Variants in AKAP7 observed in about 807,000 individuals in gnomAD.
The protein encoded by AKAP7 is A kinase (PRKA) anchor protein 7.
Under a neutral mutation model 39.5 loss-of-function variants are expected in AKAP7, and 39 were observed. The ratio of observed to expected loss-of-function variants is 0.99; its 90% CI spans 0.76 to 1.29. The LOEUF (loss-of-function observed/expected upper bound fraction) is 1.29. Among genes scored for constraint, AKAP7 ranks in the 50% most tolerant of loss-of-function variants. AKAP7 has a pLI of 0.00. For missense variants in AKAP7, 414 were observed against 407.7 expected (o/e 1.02, Z -0.13); for synonymous variants, 140 against 139.1 (o/e 1.01, Z -0.05).
intron 5 of AKAP7, among the ~76,000 whole-genome samples, chr6:131,174,715 G>A (rs1039507002): frequency 2.0e-5 from 3 of 152,176 alleles, no homozygotes; most frequent in Admixed American, 2.0e-4. Flanking sequence ...CTAACTCTCA[G>A]AAGAATATAT....
chr6:131,195,579 A>C (rs1299415141), intron 5 of AKAP7, among the ~76,000 whole-genome samples: 1 of 152,088 alleles, frequency 6.6e-6, no homozygotes, highest in African/African-American at 2.4e-5. Flanking sequence ...CTTTTCTTTC[A>C]GATTTTCAGA....
At chr6:131,174,727 C>T (rs1167752746) in intron 5 of AKAP7, among the ~76,000 whole-genome samples, 1 of 152,166 alleles carries the variant, frequency 6.6e-6, no homozygotes, top group Non-Finnish European at 1.5e-5. Context: ...AGAATATATT[C>T]CATTGACCAA....
At chr6:131,199,620 G>C in intron 6 of AKAP7, 47 bp downstream of exon 6, 1 of 1,395,820 alleles carries the variant, frequency 7.2e-7, no homozygotes, top group Non-Finnish European at 1.0e-6. Context: ...GGCCACACCA[G>C]CCATAAGCAT....
intron 6 of AKAP7, among the ~76,000 whole-genome samples, chr6:131,213,314 C>A (rs1808848587): frequency 6.6e-6 from 1 of 152,028 alleles, no homozygotes; most frequent in Non-Finnish European, 1.5e-5. Context: ...ATTTTTTATA[C>A]CAGTGGCTTA....
intron 7 of AKAP7, among the ~76,000 whole-genome samples, chr6:131,265,144 C>CT (rs965945241): frequency 5.3e-5 from 8 of 151,950 alleles, no homozygotes; most frequent in South Asian, 2.1e-4. Context: ...TATTTTCTTT[C>CT]TTTTTTTTGA....
chr6:131,163,782 A>G (rs1352363034), intron 3 of AKAP7, among the ~76,000 whole-genome samples: 2 of 152,140 alleles, frequency 1.3e-5, no homozygotes, highest in Admixed American at 1.3e-4. Flanking sequence ...AGAAGAAAAC[A>G]TTTTGATGGG....
chr6:131,181,785 CTT>C (rs1266176473), intron 5 of AKAP7, among the ~76,000 whole-genome samples: 1 of 152,048 alleles, frequency 6.6e-6, no homozygotes, highest in African/African-American at 2.4e-5. Context: ...CCCATGGAAA[CTT>C]TTACATTCTT....
intron 6 of AKAP7, among the ~76,000 whole-genome samples, chr6:131,203,860 T>A (rs1807846044): frequency 6.6e-6 from 1 of 152,242 alleles, no homozygotes; most frequent in South Asian, 2.1e-4. Context: ...AATGCTGTTA[T>A]GAACTTCCTT....
chr6:131,251,571 A>AC (rs1411365729), intron 7 of AKAP7, among the ~76,000 whole-genome samples: 1 of 151,964 alleles, frequency 6.6e-6, no homozygotes, highest in African/African-American at 2.4e-5. Flanking sequence ...GGACTGTTAA[A>AC]AAAAAAATAC....
upstream of AKAP7, among the ~76,000 whole-genome samples, chr6:131,130,605 C>A (rs1300056037): frequency 1.3e-5 from 2 of 152,146 alleles, no homozygotes; most frequent in African/African-American, 2.4e-5. Context: ...TGACCTTGTT[C>A]TTTTCATTTG....
At chr6:131,155,693 C>T (rs1377823443) in intron 2 of AKAP7, among the ~76,000 whole-genome samples, 1 of 152,152 alleles carries the variant, frequency 6.6e-6, no homozygotes, top group Non-Finnish European at 1.5e-5. Flanking sequence ...TCGTGTTTCT[C>T]TAGATTCCTC....
In AKAP7 at chr6:131,281,608, A is replaced by G. The variant is rs1350506610; in HGVS notation, c.929A>G (p.Lys310Arg). ...AGGCTGGTGGAGAACGCGGTGCTCAAGGCTGTCCAGCAGTATCTGGAGGAA... is the reference window on the plus strand; with the variant it reads ...AGGCTGGTGGAGAACGCGGTGCTCAGGGCTGTCCAGCAGTATCTGGAGGAA... ...SKRLVENAVL[K>R]AVQQYLEETQ... Residue 310 changes from lysine (K) to arginine (R), a missense_variant, in exon 8 of 8, where the codon AAG becomes AGG. By Grantham distance (26) the Lys-to-Arg change is conservative (BLOSUM62 2). Transcript: ENST00000431975. The surrounding 1 kb of genome is among the most constrained non-coding windows in gnomAD (Gnocchi z 4.0). 6.2e-7 allele frequency: 1 copy of G among 1,613,514 alleles called. No individual in the cohort carries two copies. Among genetic ancestry groups the G allele is most frequent in the South Asian group, 1.1e-5 (1 of 90,992 alleles).
chr6:131,231,939 T>G (rs1810657972), intron 7 of AKAP7, among the ~76,000 whole-genome samples: 1 of 152,228 alleles, frequency 6.6e-6, no homozygotes, highest in African/African-American at 2.4e-5. Flanking sequence ...AAGCAACTAA[T>G]AATTGGAACT....
rs1800468908 is a variant in AKAP7 at position 131,135,647 on chromosome 6, C to G, written c.-117C>G. The G allele has an allele frequency of 1.1e-6, 1 of 913,724 alleles. No homozygotes were observed. Among genetic ancestry groups the G allele is most frequent in the African/African-American group, 1.8e-5 (1 of 55,352 alleles). The allele number at this position is 913,724 out of a possible 1,614,324, so 56.6% of individuals were successfully genotyped here. A position where few individuals can be genotyped will look rare whatever the true frequency, so the allele number is the denominator to read the frequency against. On this transcript the variant is annotated 5_prime_UTR_variant, in exon 1 of 8. Transcript: ENST00000431975. ...GACCCCGCGCCGGCCCAGCGCACCG[C>G]CCTCAGGCCCCGAGCCCCGCCCTGG...
intron 6 of AKAP7, chr6:131,201,019 T>C (rs1455070863): frequency 6.6e-6 from 1 of 152,216 alleles, no homozygotes; most frequent in Admixed American, 6.5e-5. Context: ...TATGTCAACA[T>C]TTCAAACTGC....
intron 7 of AKAP7, among the ~76,000 whole-genome samples, chr6:131,279,401 TGGG>T (rs1351292481): frequency 6.6e-6 from 1 of 152,160 alleles, no homozygotes; most frequent in Non-Finnish European, 1.5e-5. Context: ...CCTGAGTAGC[TGGG>T]GCTACAGGTG....
intron 7 of AKAP7, among the ~76,000 whole-genome samples, chr6:131,271,408 A>T (rs962342504): frequency 3.3e-5 from 5 of 151,994 alleles, no homozygotes; most frequent in African/African-American, 1.2e-4. Flanking sequence ...TTTATTATCT[A>T]TATGTCTATA....
the AKAP7 span, among the ~76,000 whole-genome samples, chr6:131,128,583 G>T: frequency 6.6e-6 from 1 of 152,076 alleles, no homozygotes; most frequent in African/African-American, 2.4e-5. Context: ...AGAGCTTTGG[G>T]AGGCCAAGGC....
intron 7 of AKAP7, chr6:131,252,909 C>T (rs2128320406): frequency 1.1e-6 from 1 of 873,130 alleles, no homozygotes; most frequent in South Asian, 1.6e-5. Flanking sequence ...TGTGAATACT[C>T]ACTTCTTCTA....
Sources: gnomAD v4.1 joint callset for allele counts (sites outside exome capture counted in the v4.1 genomes callset) on GRCh38, gnomAD v4.1.1 for gene constraint, Gnocchi (gnomAD v3.1) non-coding constraint, MANE v1.5 for transcripts, NCBI Gene and HGNC (gene_info 2026-07-23, HGNC 2026-07-21) for gene names.